Variants in HPD observed in about 807,000 individuals in gnomAD.
HPD encodes the protein 4-hydroxyphenylpyruvate dioxygenase, also known as 4-hydroxyphenylpyruvic acid oxidase.
Under a neutral mutation model 56.9 loss-of-function variants are expected in HPD, and 35 were observed. The ratio of observed to expected loss-of-function variants is 0.62; its 90% confidence interval spans 0.47 to 0.82. HPD has a LOEUF of 0.82. Among genes scored for constraint, HPD ranks in the 40% least tolerant of loss-of-function variants. The probability of loss-of-function intolerance (pLI) is 0.00; values close to 1 mark genes in which losing one functional copy is unlikely to be tolerated. For missense variants in HPD, 442 were observed against 506.8 expected (o/e 0.87, Z 1.23); for synonymous variants, 186 against 200.2 (o/e 0.93, Z 0.60).
chr12:121,875,492 C>A, the HPD span, among the ~76,000 whole-genome samples: 1 of 145,010 alleles, frequency 6.9e-6, no homozygotes, highest in African/African-American at 2.6e-5. Context: ...GTGGCTCAAT[C>A]TCGGCTCACT....
At chr12:121,841,409 A>G (rs1877402859) in intron 12 of HPD, among the ~76,000 whole-genome samples, 1 of 152,160 alleles carries the variant, frequency 6.6e-6, no homozygotes, top group Non-Finnish European at 1.5e-5. Flanking sequence ...CATGTGACCT[A>G]GCTACTCCTA....
At chr12:121,867,537 G>A (rs968043015), upstream of HPD, among the ~76,000 whole-genome samples, 2 of 151,128 alleles carry the variant, frequency 1.3e-5, no homozygotes, top group Non-Finnish European at 2.9e-5. Context: ...TTTTTGAGAC[G>A]AATTCTCACT....
At chr12:121,870,819 C>A in the HPD span, among the ~76,000 whole-genome samples, 17,740 of 151,756 alleles carry the variant, frequency 0.12, 1,521 homozygotes, top group African/African-American at 0.23. Context: ...TGGTCGTGAA[C>A]TCCCGACCTC....
At chr12:121,884,683 G>A in the HPD span, among the ~76,000 whole-genome samples, 2 of 151,222 alleles carry the variant, frequency 1.3e-5, no homozygotes, top group East Asian at 3.9e-4. Flanking sequence ...TCTTCTTTCT[G>A]TTTAAAGTTT....
chr12:121,848,520 C>T (rs1405984895), intron 9 of HPD, among the ~76,000 whole-genome samples: 1 of 152,026 alleles, frequency 6.6e-6, no homozygotes, highest in Non-Finnish European at 1.5e-5. Context: ...CCATGTTGGT[C>T]AGGCTGGTCT....
At position 121,849,554 on chromosome 12, in the gene HPD, GAGGACTTCC is replaced by G. The variant is rs1011793806; in HGVS notation, c.518+124_518+132del. On this transcript the variant is annotated intron_variant, in intron 8 of 13. Transcript: ENST00000289004. Reference sequence around the variant, plus strand: ...CTGTGCCACCTCTTCAAGCACCCCTGAGGACTTCCAGGAATTCCCTAGCCGGCTCCATTC... The same window carrying G: ...CTGTGCCACCTCTTCAAGCACCCCTGAGGAATTCCCTAGCCGGCTCCATTC... 7.2e-6 allele frequency: 5 copies of G among 694,300 alleles called. No individual in the cohort carries two copies. In the Admixed American group the frequency reaches 1.1e-4, roughly 15 times the overall value. 43.0% of individuals were successfully genotyped at this position (694,300 alleles called of 1,614,324 possible).
At chr12:121,853,640 A>G (rs1351440550) in intron 7 of HPD, among the ~76,000 whole-genome samples, 10 of 147,468 alleles carry the variant, frequency 6.8e-5, no homozygotes, top group Non-Finnish European at 1.3e-4. Flanking sequence ...AAAAAAAAAG[A>G]AAAAAGAAAG....
Position 121,858,690 on chromosome 12 carries a change from T to G in HPD, c.27A>C (p.Ala9=). Residue 9 remains alanine, a synonymous_variant, in exon 2 of 14, where the codon GCA becomes GCC. Transcript: ENST00000289004. The part of the protein sequence containing the change: MTTYSDKG[A]KPERGRFLHF... ...TTCCCACATTTCGCCTGCTTACCTT[T>G]GCCCCTTTGTCACTGTAAGTCGTCT... The G allele has an allele frequency of 6.2e-7, 1 of 1,614,128 alleles. No individual in the cohort carries two copies. The highest frequency in any genetic ancestry group is 8.5e-7 in the Non-Finnish European group (1 of 1,179,998).
the HPD span, among the ~76,000 whole-genome samples, chr12:121,870,595 G>GTTTTTT: frequency 2.4e-5 from 3 of 123,286 alleles, no homozygotes; most frequent in African/African-American, 9.5e-5. Flanking sequence ...GCTATTGAAG[G>GTTTTTT]TTTTTTTTTT....
intron 7 of HPD, 120 bp from the exon 8 acceptor site, chr12:121,849,910 C>T (rs1460355996): frequency 4.2e-6 from 3 of 707,800 alleles, no homozygotes. Flanking sequence ...TAACCAGATG[C>T]GTGATCTTGG....
the HPD span, among the ~76,000 whole-genome samples, chr12:121,871,342 G>A: frequency 1.3e-5 from 2 of 150,446 alleles, no homozygotes; most frequent in Non-Finnish European, 3.0e-5. Flanking sequence ...TCCAGCCTGG[G>A]TGACAGAGTG....
chr12:121,853,738 G>C (rs1246708906), intron 7 of HPD, among the ~76,000 whole-genome samples: 6 of 149,418 alleles, frequency 4.0e-5, no homozygotes, highest in Non-Finnish European at 8.9e-5. Flanking sequence ...GAGGTCAGGA[G>C]TTCGAGACCA....
chr12:121,872,280 G>C, the HPD span, among the ~76,000 whole-genome samples: 3 of 148,710 alleles, frequency 2.0e-5, no homozygotes, highest in Non-Finnish European at 4.5e-5. Context: ...CGCCCAGGCT[G>C]GAGTGCAATG....
chr12:121,845,688 G>A (rs1051347540), intron 11 of HPD, among the ~76,000 whole-genome samples: 6 of 151,100 alleles, frequency 4.0e-5, no homozygotes, highest in Non-Finnish European at 7.4e-5. Context: ...CTCCTGCCTC[G>A]GCCTCCCACA....
upstream of HPD, among the ~76,000 whole-genome samples, chr12:121,861,334 T>G (rs1878167177): frequency 7.2e-6 from 1 of 138,764 alleles, no homozygotes; most frequent in Non-Finnish European, 1.5e-5. Flanking sequence ...AGACTCTGTC[T>G]CAAAAAAAAA....
chr12:121,867,875 G>T (rs1243355428), upstream of HPD, among the ~76,000 whole-genome samples: 2 of 152,070 alleles, frequency 1.3e-5, no homozygotes, highest in African/African-American at 2.4e-5. Flanking sequence ...TTGCTATGTT[G>T]CCCAGGCTGG....
upstream of HPD, among the ~76,000 whole-genome samples, chr12:121,862,697 GC>G (rs1330925143): frequency 1.0e-5 from 1 of 99,772 alleles, no homozygotes; most frequent in Admixed American, 1.3e-4. Context: ...CTCAATGCAA[GC>G]TTTTTTTTTT....
At chr12:121,841,630 C>G (rs957297814) in intron 12 of HPD, among the ~76,000 whole-genome samples, 7 of 151,958 alleles carry the variant, frequency 4.6e-5, no homozygotes, top group Non-Finnish European at 8.8e-5. Context: ...CGCAGATGAA[C>G]CTTGAGCACA....
chr12:121,849,223 A>G (rs1877682623), intron 8 of HPD, 147 bp from the exon 9 acceptor site: 2 of 518,224 alleles, frequency 3.9e-6, no homozygotes, highest in African/African-American at 4.1e-5. Context: ...AAAAAGAGAG[A>G]CTCTTTTTTT....
Sources: gnomAD v4.1 joint callset for allele counts (sites outside exome capture counted in the v4.1 genomes callset) on GRCh38, gnomAD v4.1.1 for gene constraint, MANE v1.5 for transcripts, NCBI Gene and HGNC (gene_info 2026-07-23, HGNC 2026-07-21) for gene names.